Variants in OSTN observed in about 807,000 individuals in gnomAD.
OSTN encodes osteocrin.
Under a neutral mutation model 12.0 loss-of-function variants are expected in OSTN, and 9 were observed. The ratio of observed to expected loss-of-function variants is 0.75; its 90% CI spans 0.45 to 1.30. The LOEUF is 1.30. Among genes scored for constraint, OSTN ranks in the 50% most tolerant of loss-of-function variants. OSTN has a pLI of 0.00. For missense variants in OSTN, 148 were observed against 152.3 expected (o/e 0.97, Z 0.15); for synonymous variants, 59 against 56.9 (o/e 1.04, Z -0.16).
At chr3:191,221,426 G>C (rs946467038) in intron 3 of OSTN, among the ~76,000 whole-genome samples, 1 of 152,132 alleles carries the variant, frequency 6.6e-6, no homozygotes, top group Non-Finnish European at 1.5e-5. Flanking sequence ...ACTTCCTAGA[G>C]ACTTGTTGAA....
chr3:191,250,159 G>A, intron 4 of OSTN, 26 bp downstream of exon 4: 1 of 1,456,976 alleles, frequency 6.9e-7, no homozygotes, highest in Non-Finnish European at 9.6e-7. Context: ...ATAAGTAACA[G>A]TATATGCAGG....
intron 1 of OSTN, among the ~76,000 whole-genome samples, chr3:191,207,880 G>A (rs1416812982): frequency 6.6e-6 from 1 of 152,170 alleles, no homozygotes; most frequent in African/African-American, 2.4e-5. Flanking sequence ...TAGCCAGTTT[G>A]AAAGATCCTT....
chr3:191,259,168 G>A (rs1360164371), intron 4 of OSTN, among the ~76,000 whole-genome samples: 1 of 151,550 alleles, frequency 6.6e-6, no homozygotes, highest in East Asian at 1.9e-4. Context: ...AGGAGAAGCA[G>A]GGAGAAGTGA....
chr3:191,215,398 A>G (rs1240148634), intron 2 of OSTN, among the ~76,000 whole-genome samples: 1 of 152,172 alleles, frequency 6.6e-6, no homozygotes, highest in Non-Finnish European at 1.5e-5. Flanking sequence ...AGGTCCTCAC[A>G]TTTCAAAACA....
At chr3:191,230,160 T>C (rs1289962500) in intron 3 of OSTN, among the ~76,000 whole-genome samples, 1 of 152,112 alleles carries the variant, frequency 6.6e-6, no homozygotes, top group Admixed American at 6.5e-5. Context: ...TCAAATTCAG[T>C]AATTATAACA....
chr3:191,216,408 C>T (rs181778906), intron 2 of OSTN, among the ~76,000 whole-genome samples: 1 of 152,332 alleles, frequency 6.6e-6, no homozygotes, highest in African/African-American at 2.4e-5. Flanking sequence ...CCTAGTTACT[C>T]ATGCAAATTT....
At chr3:191,222,101 G>A (rs140573891) in intron 3 of OSTN, among the ~76,000 whole-genome samples, 126 of 152,356 alleles carry the variant, frequency 8.3e-4, no homozygotes, top group African/African-American at 2.9e-3. Flanking sequence ...TAGAGGATGT[G>A]TGGAAATACT....
intron 2 of OSTN, among the ~76,000 whole-genome samples, chr3:191,215,238 G>A (rs1714577874): frequency 6.6e-6 from 1 of 152,108 alleles, no homozygotes; most frequent in African/African-American, 2.4e-5. Flanking sequence ...CATGAGAACA[G>A]CATGGGAGAA....
chr3:191,263,971 C>T lies in OSTN; in HGVS notation c.*1118C>T, dbSNP rs1715865925. ...CACACAAAAAAAACTTTCTATGGAA[C>T]AGAGATTCATCATAAGTTACTTAGC... On this transcript the variant is annotated 3_prime_UTR_variant, in exon 5 of 5. Coordinates refer to ENST00000682035, the MANE Select transcript of OSTN (RefSeq NM_198184.2). 1 of 152,054 alleles carries T rather than the reference C, an allele frequency of 6.6e-6. No individual in the cohort carries two copies. The highest frequency in any genetic ancestry group is 1.5e-5 in the Non-Finnish European group (1 of 67,966). The allele number at this position is 152,054 out of a possible 1,614,324, so 9.4% of individuals were successfully genotyped here.
intron 4 of OSTN, among the ~76,000 whole-genome samples, chr3:191,252,560 A>G (rs754124361): frequency 4.6e-5 from 7 of 152,242 alleles, no homozygotes; most frequent in Non-Finnish European, 1.0e-4. Flanking sequence ...AGGTGAGAAT[A>G]TCACAAAAGA....
At chr3:191,218,662 TA>T in intron 2 of OSTN, 84 bp from the exon 3 acceptor site, 1 of 1,086,642 alleles carries the variant, frequency 9.2e-7, no homozygotes, top group Non-Finnish European at 1.3e-6. Context: ...GTATGTCAGC[TA>T]ACAGTAGCAA....
intron 3 of OSTN, among the ~76,000 whole-genome samples, chr3:191,237,738 T>C (rs935518216): frequency 3.3e-5 from 5 of 152,222 alleles, no homozygotes; most frequent in African/African-American, 1.2e-4. Context: ...TTCTGATCTA[T>C]AGAGAAACTG....
intron 2 of OSTN, among the ~76,000 whole-genome samples, chr3:191,216,172 A>C: frequency 6.6e-6 from 1 of 152,196 alleles, no homozygotes; most frequent in East Asian, 1.9e-4. Flanking sequence ...TTGGGGCTTA[A>C]ACCCTCTGAA....
chr3:191,219,978 C>T (rs987424928), intron 3 of OSTN, among the ~76,000 whole-genome samples: 6 of 152,166 alleles, frequency 3.9e-5, no homozygotes, highest in African/African-American at 1.4e-4. Context: ...GCAGGCTAAT[C>T]ATCTAAAACA....
intron 4 of OSTN, among the ~76,000 whole-genome samples, chr3:191,255,290 A>C (rs1363120751): frequency 1.3e-5 from 2 of 152,254 alleles, no homozygotes; most frequent in African/African-American, 4.8e-5. Context: ...TGTGTGGCTC[A>C]GTTCCTAACA....
chr3:191,208,042 A>G (rs1383915629), intron 1 of OSTN, among the ~76,000 whole-genome samples: 1 of 152,244 alleles, frequency 6.6e-6, no homozygotes, highest in African/African-American at 2.4e-5. Flanking sequence ...ACGTACACAG[A>G]TAATCTTCTT....
chr3:191,258,468 A>G (rs1715725226), intron 4 of OSTN, among the ~76,000 whole-genome samples: 1 of 152,092 alleles, frequency 6.6e-6, no homozygotes. Flanking sequence ...AGGGAGGGGA[A>G]CATCACATAC....
At chr3:191,223,791 G>A (rs1714832704) in intron 3 of OSTN, among the ~76,000 whole-genome samples, 1 of 152,038 alleles carries the variant, frequency 6.6e-6, no homozygotes, top group South Asian at 2.1e-4. Context: ...AATCCTGTAT[G>A]TAATAAACTC....
rs560903544 is a variant in OSTN at position 191,245,642 on chromosome 3, C to T, written c.318-4395C>T. Reference sequence around the variant, plus strand: ...CGCAGCTGCCTCTTATTTGATTGAGCAGGGAAAGATCAACTGTAGTAAAGC... The same window carrying T: ...CGCAGCTGCCTCTTATTTGATTGAGTAGGGAAAGATCAACTGTAGTAAAGC... On this transcript the variant is annotated intron_variant, in intron 3 of 4. Coordinates refer to ENST00000682035, the MANE Select transcript of OSTN (RefSeq NM_198184.2). 7.9e-5 allele frequency among the ~76,000 whole-genome samples: 12 copies of T among 152,224 alleles called. No individual in the cohort carries two copies. In the South Asian group the frequency reaches 2.5e-3, roughly 32 times the overall value.
Sources: allele counts gnomAD v4.1 joint callset (sites outside exome capture counted in the v4.1 genomes callset), GRCh38; gene constraint gnomAD v4.1.1; transcripts MANE v1.5; gene names NCBI Gene and HGNC (gene_info 2026-07-23, HGNC 2026-07-21).